Variants in PRKAG2 observed in about 807,000 individuals in gnomAD.
PRKAG2 encodes the protein 5'-AMP-activated protein kinase subunit gamma-2.
In PRKAG2, 26 loss-of-function variants were observed where a neutral mutation model predicts 69.6. The observed-to-expected ratio is 0.37, with a 90% CI of 0.27 to 0.52. The LOEUF is 0.52. Ranked by LOEUF, PRKAG2 falls within the 20% of genes least tolerant of loss-of-function variation. PRKAG2 has a pLI of 0.90. For synonymous variants in PRKAG2, 293 were observed against 285.0 expected, an observed-to-expected ratio of 1.03 and a Z score of -0.28; for missense variants, 557 against 740.0, an observed-to-expected ratio of 0.75 and a Z score of 2.87.
chr7:151,749,303 C>T (rs933310427), intron 3 of PRKAG2, among the ~76,000 whole-genome samples: 30 of 152,166 alleles, frequency 2.0e-4, no homozygotes, highest in African/African-American at 5.6e-4. Context: ...GACAGTCCCC[C>T]GTCCATCAGC....
rs781093916 is a variant in PRKAG2, at chr7:151,835,554, C to G, written c.114+40953G>C. 3.3e-5 allele frequency among the ~76,000 whole-genome samples: 5 copies of G among 152,150 alleles called. No individual in the cohort carries two copies. The highest frequency in any genetic ancestry group is 5.9e-5 in the Non-Finnish European group (4 of 68,022). Reference sequence around the variant, plus strand: ...CTGCTTACCCTTCCGAGGCATCTAACAGCATCCTCCCTGGCCTAAGCCTGG... The same window carrying G: ...CTGCTTACCCTTCCGAGGCATCTAAGAGCATCCTCCCTGGCCTAAGCCTGG... On this transcript the variant is annotated intron_variant, in intron 1 of 15. Coordinates refer to ENST00000287878, the MANE Select transcript of PRKAG2 (RefSeq NM_016203.4). This position sits in a 1 kb window ranked among gnomAD's most constrained non-coding sequence, Gnocchi z 4.1.
rs193184061 is a variant in PRKAG2, at chr7:151,806,184, G to A, written c.115-19643C>T. On this transcript the variant is annotated intron_variant, in intron 1 of 15. Coordinates refer to ENST00000287878, the MANE Select transcript of PRKAG2 (RefSeq NM_016203.4). ...AGCTTGGGCGACAGAGCGAGACTCCGTCTCAACAACTATGACAACAACAAA... is the reference window on the plus strand; with the variant it reads ...AGCTTGGGCGACAGAGCGAGACTCCATCTCAACAACTATGACAACAACAAA... Among the ~76,000 whole-genome samples the A allele has an allele frequency of 9.2e-5, 14 of 152,336 alleles. No homozygotes were observed. In the East Asian group the frequency reaches 2.3e-3, roughly 25 times the overall value.
rs1004839047 is a variant in PRKAG2, at chr7:151,839,143, C to T, written c.114+37364G>A. ...GCAGGGGCACGTTGGGCTTTAACTGCCCTCAGCCCCACCCCAACCAGGGCT... is the reference window on the plus strand; with the variant it reads ...GCAGGGGCACGTTGGGCTTTAACTGTCCTCAGCCCCACCCCAACCAGGGCT... On this transcript the variant is annotated intron_variant, in intron 1 of 15. Coordinates refer to ENST00000287878, the MANE Select transcript of PRKAG2 (RefSeq NM_016203.4). 2.0e-5 allele frequency among the ~76,000 whole-genome samples: 3 copies of T among 152,318 alleles called. No individual in the cohort carries two copies. In the South Asian group the frequency reaches 6.2e-4, roughly 32 times the overall value.
chr7:151,836,753 CG>C lies in PRKAG2; in HGVS notation c.114+39753del, dbSNP rs1379449062. Among the ~76,000 whole-genome samples, 20 of 152,210 alleles carry C rather than the reference CG, an allele frequency of 1.3e-4. No homozygotes were observed. Among genetic ancestry groups the C allele is most frequent in the Non-Finnish European group, 2.5e-4 (17 of 68,034 alleles). ...AACTGTGAGGTAGGACCTAGCCCCT[CG>C]GGTCCCCTGCCCTCTCCTCCTGGCA... On this transcript the variant is annotated intron_variant, in intron 1 of 15. Transcript: ENST00000287878. The surrounding 1 kb of genome is among the most constrained non-coding windows in gnomAD (Gnocchi z 4.1).
At chr7:151,585,779 C>T (rs539594137) in intron 6 of PRKAG2, among the ~76,000 whole-genome samples, 2 of 152,146 alleles carry the variant, frequency 1.3e-5, no homozygotes, top group South Asian at 2.1e-4. Flanking sequence ...AATGCTCTGG[C>T]GTACCCCCAG....
At chr7:151,621,510 C>T (rs1416932211) in intron 5 of PRKAG2, among the ~76,000 whole-genome samples, 1 of 151,970 alleles carries the variant, frequency 6.6e-6, no homozygotes, top group East Asian at 1.9e-4. Context: ...GAGTGAGACC[C>T]TGTCACAAAA....
chr7:151,876,066 CCCCTCCCCTCTCCT>C (rs2080393296), intron 1 of PRKAG2, among the ~76,000 whole-genome samples: 1 of 147,142 alleles, frequency 6.8e-6, no homozygotes. Flanking sequence ...CCACCCACCG[CCCCTCCCCTCTCCT>C]CCCTCCCCTC....
Position 151,786,469 on chromosome 7 carries a change from C to A in PRKAG2, c.186+1G>T. 2 of 1,610,544 alleles carry A rather than the reference C, an allele frequency of 1.2e-6. No homozygotes were observed. Among genetic ancestry groups the A allele is most frequent in the South Asian group, 2.2e-5 (2 of 89,844 alleles). On this transcript the variant is annotated splice_donor_variant, in intron 2 of 15. Transcript: ENST00000287878. LOFTEE classifies it high-confidence loss of function. ...AGAAACTTCTGGAAAGGAGGTCTTA[C>A]CTTTCGAGAGGAATGCTTTCCGGAA... is the stretch of plus-strand genomic sequence containing the variant.
rs1380272517 is a variant in PRKAG2, at chr7:151,873,953, CTGATGTATATGTATATGTATA to C, written c.114+2533_114+2553del. Among the ~76,000 whole-genome samples the C allele has an allele frequency of 6.9e-3, 1,042 of 150,780 alleles. 7 individuals are homozygous for C. Among genetic ancestry groups the C allele is most frequent in the African/African-American group, 0.019 (754 of 40,658 alleles). On this transcript the variant is annotated intron_variant, in intron 1 of 15. Coordinates refer to ENST00000287878, the MANE Select transcript of PRKAG2 (RefSeq NM_016203.4). ...TATATTTTTTTAAAAAACTAGGTGT[CTGATGTATATGTATATGTATA>C]TGATGTATATGTATATGTATATGAT...
rs1275452835 is a variant in PRKAG2, at chr7:151,814,338, C to CT, written c.115-27798_115-27797insA. On this transcript the variant is annotated intron_variant, in intron 1 of 15. Transcript: ENST00000287878. The surrounding 1 kb of genome is among the most constrained non-coding windows in gnomAD (Gnocchi z 4.8). ...CTTACACACCAAGGAGACAAAGCAT[C>CT]GTGAGGGGGAAAACCGCACACCCAG... is the stretch of plus-strand genomic sequence containing the variant. The CT allele has an allele frequency of 5.3e-5, 54 of 1,014,468 alleles. No homozygotes were observed. Among genetic ancestry groups the CT allele is most frequent in the Non-Finnish European group, 6.4e-5 (52 of 806,336 alleles). 62.8% of individuals were successfully genotyped at this position (1,014,468 alleles called of 1,614,324 possible).
intron 1 of PRKAG2, among the ~76,000 whole-genome samples, chr7:151,791,485 A>T (rs1464497289): frequency 6.6e-6 from 1 of 152,196 alleles, no homozygotes; most frequent in Non-Finnish European, 1.5e-5. Context: ...CAGGACTGGG[A>T]GGACATTTAG....
intron 3 of PRKAG2, among the ~76,000 whole-genome samples, chr7:151,707,933 C>A (rs1838902654): frequency 6.6e-6 from 1 of 152,228 alleles, no homozygotes; most frequent in Admixed American, 6.5e-5. Flanking sequence ...GACATCTACC[C>A]AGAGAACTCT....
chr7:151,842,222 T>C (rs2079316908), intron 1 of PRKAG2, among the ~76,000 whole-genome samples: 1 of 114,606 alleles, frequency 8.7e-6, no homozygotes, highest in African/African-American at 3.6e-5. Context: ...TGATGGTAGG[T>C]AGTGATGATG....
chr7:151,685,303 A>G (rs2727557), intron 3 of PRKAG2, among the ~76,000 whole-genome samples: 69,686 of 151,986 alleles, frequency 0.46, 16,232 homozygotes, highest in Admixed American at 0.5. Flanking sequence ...CCTCAGGGCC[A>G]CCCCACCAAC....
At chr7:151,578,181 C>T (rs1809451912) in intron 6 of PRKAG2, among the ~76,000 whole-genome samples, 1 of 151,838 alleles carries the variant, frequency 6.6e-6, no homozygotes, top group Non-Finnish European at 1.5e-5. Flanking sequence ...CTCGTCTCCA[C>T]TAAAAATACA....
intron 1 of PRKAG2, among the ~76,000 whole-genome samples, chr7:151,817,638 C>T (rs540148677): frequency 6.6e-6 from 1 of 152,216 alleles, no homozygotes; most frequent in Non-Finnish European, 1.5e-5. Flanking sequence ...CCCTCCCTGG[C>T]ACCTGTAGGT....
chr7:151,564,059 A>G lies in PRKAG2; in HGVS notation c.1584+19T>C, dbSNP rs775336252. ...TTGCAGTGGACGTCGGGGGAGCAGG[A>G]CTGGGAAAGCCGTCTCACCTCAGCT... On this transcript the variant is annotated intron_variant, in intron 14 of 15. Coordinates refer to ENST00000287878, the MANE Select transcript of PRKAG2 (RefSeq NM_016203.4). The G allele has an allele frequency of 6.2e-7, 1 of 1,613,828 alleles. No individual in the cohort carries two copies. Among genetic ancestry groups the G allele is most frequent in the Admixed American group, 1.7e-5 (1 of 60,000 alleles).
At chr7:151,659,399 A>G (rs909950639) in intron 4 of PRKAG2, among the ~76,000 whole-genome samples, 8 of 152,178 alleles carry the variant, frequency 5.3e-5, no homozygotes. Context: ...TAACAGGGTA[A>G]ATGCTGACGA....
chr7:151,675,248 G>A, intron 4 of PRKAG2, 172 bp downstream of exon 4: 1 of 749,822 alleles, frequency 1.3e-6, no homozygotes, highest in South Asian at 1.5e-5. Flanking sequence ...ATTTGCTATT[G>A]TGCCCTCACC....
Sources: allele counts gnomAD v4.1 joint callset (sites outside exome capture counted in the v4.1 genomes callset), GRCh38; gene constraint gnomAD v4.1.1; non-coding constraint Gnocchi (gnomAD v3.1); transcripts MANE v1.5; gene names NCBI Gene and HGNC (gene_info 2026-07-23, HGNC 2026-07-21).